Variants in ZW10 observed in about 807,000 individuals in gnomAD.
The protein encoded by ZW10 is zw10 kinetochore protein.
A neutral mutation model predicts 87.8 loss-of-function variants in ZW10; 53 were observed. That is an observed-to-expected ratio of 0.60 (90% CI 0.48 to 0.76). The LOEUF is 0.76. Ranked by LOEUF, ZW10 falls within the 30% of genes least tolerant of loss-of-function variation. The probability of loss-of-function intolerance (pLI) is 0.00; values close to 1 mark genes in which losing one functional copy is unlikely to be tolerated. For missense variants in ZW10, 837 were observed against 923.0 expected (o/e 0.91, Z 1.21); for synonymous variants, 312 against 329.2 (o/e 0.95, Z 0.57).
intron 5 of ZW10, among the ~76,000 whole-genome samples, 155 bp downstream of exon 5, chr11:113,760,054 T>A (rs1953840532): frequency 1.3e-5 from 2 of 152,124 alleles, no homozygotes; most frequent in Non-Finnish European, 2.9e-5. Flanking sequence ...GATGAGTTGG[T>A]CCTAAGAAAG....
chr11:113,751,227 A>T, intron 7 of ZW10: 1 of 299,476 alleles, frequency 3.3e-6, no homozygotes, highest in Non-Finnish European at 7.0e-6. Context: ...AGACACGACA[A>T]AAGCGAGAAT....
intron 7 of ZW10, among the ~76,000 whole-genome samples, chr11:113,752,620 T>C (rs923202475): frequency 1.3e-5 from 2 of 152,208 alleles, no homozygotes; most frequent in South Asian, 2.1e-4. Flanking sequence ...TGCAATTGTT[T>C]TGAGATGCCA....
chr11:113,758,945 G>A (rs889441764), intron 5 of ZW10, among the ~76,000 whole-genome samples: 10 of 152,126 alleles, frequency 6.6e-5, no homozygotes, highest in African/African-American at 1.9e-4. Flanking sequence ...AGGTCGAGGC[G>A]GGAGGATCAC....
chr11:113,734,319 G>C (rs1953525616), intron 15 of ZW10, among the ~76,000 whole-genome samples: 1 of 152,200 alleles, frequency 6.6e-6, no homozygotes, highest in African/African-American at 2.4e-5. Context: ...AACATCATTA[G>C]AATTTAGGGA....
intron 13 of ZW10, among the ~76,000 whole-genome samples, 166 bp from the exon 14 acceptor site, chr11:113,737,869 C>T (rs1323905583): frequency 1.3e-5 from 2 of 152,122 alleles, no homozygotes; most frequent in Non-Finnish European, 2.9e-5. Flanking sequence ...TAGTGATATC[C>T]CTGGTAGATG....
chr11:113,756,084 C>T (rs1453048758), intron 7 of ZW10, among the ~76,000 whole-genome samples: 1 of 152,008 alleles, frequency 6.6e-6, no homozygotes, highest in Non-Finnish European at 1.5e-5. Context: ...CTGAGGTATG[C>T]TAGTAGTCCC....
chr11:113,748,477 T>C, intron 7 of ZW10, 57 bp from the exon 8 acceptor site: 1 of 1,410,520 alleles, frequency 7.1e-7, no homozygotes, highest in Non-Finnish European at 9.5e-7. Context: ...TCCTGGAATA[T>C]TCTTAGGTTT....
chr11:113,748,583 T>G (rs1304365676), intron 7 of ZW10, among the ~76,000 whole-genome samples, 163 bp from the exon 8 acceptor site: 2 of 152,136 alleles, frequency 1.3e-5, no homozygotes, highest in African/African-American at 4.8e-5. Flanking sequence ...GACACACAAT[T>G]ATTATTATTT....
intron 14 of ZW10, among the ~76,000 whole-genome samples, chr11:113,737,081 GCA>G (rs766216238): frequency 9.2e-5 from 14 of 152,152 alleles, no homozygotes; most frequent in African/African-American, 1.7e-4. Flanking sequence ...ATAGAATGTC[GCA>G]CAGCTTGTTG....
chr11:113,747,017 A>ATG lies in ZW10; in HGVS notation c.1272+513_1272+514insCA, dbSNP rs559853864. ...CAATTCAAGGTATATACATTATTTC[A>ATG]TACATGTAAGATATGAAAAAAAAAA... On this transcript the variant is annotated intron_variant, in intron 9 of 15. Transcript: ENST00000200135. Among the ~76,000 whole-genome samples the ATG allele has an allele frequency of 3.1e-4, 47 of 152,172 alleles. No individual in the cohort carries two copies. The East Asian group carries it at 9.1e-3, about 29-fold the overall frequency.
At chr11:113,746,775 T>C (rs1953682565) in intron 9 of ZW10, among the ~76,000 whole-genome samples, 1 of 152,162 alleles carries the variant, frequency 6.6e-6, no homozygotes. Context: ...GCCTAGCACA[T>C]TCAAGGAACA....
intron 7 of ZW10, among the ~76,000 whole-genome samples, chr11:113,751,548 TA>T (rs1167088739): frequency 2.0e-5 from 3 of 152,142 alleles, no homozygotes; most frequent in Admixed American, 6.6e-5. Context: ...AGTTCTATGT[TA>T]GGGGAAAAAA....
chr11:113,754,371 GCTA>G lies in ZW10; in HGVS notation c.925+3288_925+3290del, dbSNP rs575566731. ...ATGGTAGTGCAGGCCTGTAATCCCA[GCTA>G]CTCAGGAGGCTGAGGCACGAGAATC... is the stretch of plus-strand genomic sequence containing the variant. On this transcript the variant is annotated intron_variant, in intron 7 of 15. Transcript: ENST00000200135. Among the ~76,000 whole-genome samples the G allele has an allele frequency of 2.2e-3, 337 of 152,150 alleles. 1 individual carries two copies. The highest frequency in any genetic ancestry group is 7.5e-3 in the African/African-American group (310 of 41,496).
At chr11:113,769,686 G>A (rs760306378) in intron 1 of ZW10, 4 of 349,666 alleles carry the variant, frequency 1.1e-5, no homozygotes, top group African/African-American at 2.3e-5. Context: ...GTGGCTTCAC[G>A]TTTGAGTTGG....
intron 9 of ZW10, among the ~76,000 whole-genome samples, chr11:113,745,175 AATAT>A (rs1953666166): frequency 6.6e-6 from 1 of 152,158 alleles, no homozygotes; most frequent in African/African-American, 2.4e-5. Context: ...TGAAAACAGT[AATAT>A]TTTTCACCCT....
At chr11:113,743,701 A>T (rs1262493875) in intron 10 of ZW10, 101 bp downstream of exon 10, 14 of 954,830 alleles carry the variant, frequency 1.5e-5, no homozygotes, top group African/African-American at 4.9e-5. Flanking sequence ...CTTCTAGGAT[A>T]TGAAAACCCA....
chr11:113,744,204 G>A (rs904150093), intron 9 of ZW10, among the ~76,000 whole-genome samples, 164 bp from the exon 10 acceptor site: 4 of 152,112 alleles, frequency 2.6e-5, no homozygotes, highest in African/African-American at 4.8e-5. Flanking sequence ...TGGCTAACAC[G>A]GTGAAACCCC....
chr11:113,745,919 C>T (rs1309325769), intron 9 of ZW10, among the ~76,000 whole-genome samples: 1 of 152,110 alleles, frequency 6.6e-6, no homozygotes. Flanking sequence ...AATTCCAGGG[C>T]CTAAATGCCA....
Position 113,741,695 on chromosome 11 carries a change from T to G in ZW10, c.1582A>C (p.Lys528Gln). ...GAAATGAGATACAGTGGTACTTACT[T>G]GTGATATGTTGGTACAACATCATGG... ...LFHDVVPTYH[K>Q]ENLQKLPQLA... The change falls in exon 11 of 16, where the codon AAG becomes CAG. Residue 528 changes from lysine (K) to glutamine (Q), a missense_variant and splice_region_variant. Physicochemically the swap from Lys to Gln is moderately conservative, Grantham distance 53 (BLOSUM62 1). Coordinates refer to ENST00000200135, the MANE Select transcript of ZW10 (RefSeq NM_004724.4). 6.3e-7 allele frequency: 1 copy of G among 1,591,224 alleles called. No individual in the cohort carries two copies. The highest frequency in any genetic ancestry group is 8.6e-7 in the Non-Finnish European group (1 of 1,167,660).
Sources: gnomAD v4.1 joint callset for allele counts (sites outside exome capture counted in the v4.1 genomes callset) on GRCh38, gnomAD v4.1.1 for gene constraint, MANE v1.5 for transcripts, NCBI Gene and HGNC (gene_info 2026-07-23, HGNC 2026-07-21) for gene names.